The following PRKN variants were observed in gnomAD, a reference collection of about 807,000 sequenced individuals.
The protein encoded by PRKN is E3 ubiquitin-protein ligase parkin.
Under a neutral mutation model 59.5 loss-of-function variants are expected in PRKN, and 56 were observed. That is an observed-to-expected ratio of 0.94 (90% CI 0.76 to 1.18). The LOEUF (loss-of-function observed/expected upper bound fraction) is 1.18. Among genes scored for constraint, PRKN ranks in the 50% most tolerant of loss-of-function variants. PRKN has a pLI of 0.00. For synonymous variants in PRKN, 250 were observed against 222.1 expected (o/e 1.13, Z -1.12); for missense variants, 657 against 596.4 (o/e 1.10, Z -1.06).
In PRKN at chr6:162,101,116, T is replaced by C. The variant is rs966216265; in HGVS notation, c.535-46942A>G. On this transcript the variant is annotated intron_variant, in intron 4 of 11. Coordinates refer to ENST00000366898, the MANE Select transcript of PRKN (RefSeq NM_004562.3). ...TCCCACCTATTTTCCCTTTTGTTGC[T>C]TGTGCTTTTGGAGTCATATCCAAAA... Among the ~76,000 whole-genome samples the C allele has an allele frequency of 2.0e-5, 3 of 152,110 alleles. No individual in the cohort carries two copies. The East Asian group carries it at 5.8e-4, about 30-fold the overall frequency.
At chr6:162,631,414 A>C (rs1018897371) in intron 1 of PRKN, among the ~76,000 whole-genome samples, 1 of 152,120 alleles carries the variant, frequency 6.6e-6, no homozygotes, top group Non-Finnish European at 1.5e-5. Context: ...ATTCCTTATA[A>C]GAAGGGTGCT....
intron 9 of PRKN, among the ~76,000 whole-genome samples, chr6:161,464,748 T>C (rs1254433201): frequency 6.6e-6 from 1 of 152,222 alleles, no homozygotes; most frequent in Non-Finnish European, 1.5e-5. Context: ...GGCTCCAAAG[T>C]AAGTCACACC....
chr6:162,585,980 C>T (rs1781035095), intron 1 of PRKN, among the ~76,000 whole-genome samples: 1 of 152,186 alleles, frequency 6.6e-6, no homozygotes. Flanking sequence ...GATGGGATTA[C>T]AGGCATGAGC....
chr6:161,651,085 A>T (rs1169395029), intron 7 of PRKN, among the ~76,000 whole-genome samples: 1 of 152,192 alleles, frequency 6.6e-6, no homozygotes, highest in East Asian at 1.9e-4. Flanking sequence ...ATGGATTAAG[A>T]CTGCCTTATC....
intron 6 of PRKN, among the ~76,000 whole-genome samples, chr6:161,904,537 G>T (rs1228861595): frequency 6.6e-6 from 1 of 151,974 alleles, no homozygotes; most frequent in South Asian, 2.1e-4. Context: ...GGACGGTCTC[G>T]ATCTCCTGAC....
In PRKN at chr6:161,393,295, C is replaced by T. The variant is rs1786601273; in HGVS notation, c.1084-6418G>A. 6.6e-6 allele frequency among the ~76,000 whole-genome samples: 1 copy of T among 152,084 alleles called. No individual in the cohort carries two copies. Among genetic ancestry groups the T allele is most frequent in the Non-Finnish European group, 1.5e-5 (1 of 68,036 alleles). ...GTTAATTAAAGCAGTTCCCAGTATA[C>T]TGATAATAATGACTGTTATGTGAAT... is the stretch of plus-strand genomic sequence containing the variant. On this transcript the variant is annotated intron_variant, in intron 9 of 11. Coordinates refer to ENST00000366898, the MANE Select transcript of PRKN (RefSeq NM_004562.3). This position sits in a 1 kb window ranked among gnomAD's most constrained non-coding sequence, Gnocchi z 4.7.
chr6:162,694,118 G>C (rs1777880998), intron 1 of PRKN, among the ~76,000 whole-genome samples: 1 of 151,564 alleles, frequency 6.6e-6, no homozygotes, highest in Non-Finnish European at 1.5e-5. Flanking sequence ...ATGGTGGCGG[G>C]CACCTGTAGT....
At chr6:162,450,660 C>T (rs907324962) in intron 1 of PRKN, among the ~76,000 whole-genome samples, 1 of 152,068 alleles carries the variant, frequency 6.6e-6, no homozygotes, top group African/African-American at 2.4e-5. Context: ...TCGCACAAAA[C>T]GCAATTGAGG....
chr6:161,977,739 G>A (rs938567525), intron 5 of PRKN, among the ~76,000 whole-genome samples: 100 of 151,176 alleles, frequency 6.6e-4, no homozygotes, highest in African/African-American at 2.0e-3. Context: ...AGTAGAGACG[G>A]GGTTTCACCA....
intron 7 of PRKN, among the ~76,000 whole-genome samples, chr6:161,687,969 GT>G (rs1243327670): frequency 6.6e-6 from 1 of 151,894 alleles, no homozygotes; most frequent in African/African-American, 2.4e-5. Flanking sequence ...CTTTAGTTTT[GT>G]TTTTTTCTTT....
At chr6:162,391,068 C>A (rs1281523359) in intron 2 of PRKN, among the ~76,000 whole-genome samples, 1 of 152,110 alleles carries the variant, frequency 6.6e-6, no homozygotes, top group African/African-American at 2.4e-5. Flanking sequence ...TGTAAACTCA[C>A]GTGGAAACTA....
intron 4 of PRKN, among the ~76,000 whole-genome samples, chr6:162,148,122 G>A (rs1335349419): frequency 6.6e-6 from 1 of 152,152 alleles, no homozygotes; most frequent in Non-Finnish European, 1.5e-5. Flanking sequence ...TAGCCTTGTA[G>A]ATTCTGTGCC....
At chr6:162,489,755 T>C (rs1428175981) in intron 1 of PRKN, among the ~76,000 whole-genome samples, 1 of 152,168 alleles carries the variant, frequency 6.6e-6, no homozygotes, top group Non-Finnish European at 1.5e-5. Context: ...GTCTCAGATT[T>C]CACAGTCCCT....
chr6:161,723,095 C>G (rs757399316), intron 7 of PRKN, among the ~76,000 whole-genome samples: 1 of 152,006 alleles, frequency 6.6e-6, no homozygotes, highest in African/African-American at 2.4e-5. Flanking sequence ...ATAGTGAAAC[C>G]CCATCTCTAC....
chr6:161,455,634 C>T (rs372884424), intron 9 of PRKN, among the ~76,000 whole-genome samples: 27 of 152,020 alleles, frequency 1.8e-4, no homozygotes, highest in African/African-American at 5.5e-4. Flanking sequence ...GGGAGGCTGA[C>T]GCGGGCAGAT....
At chr6:162,657,190 T>C (rs1395124614) in intron 1 of PRKN, among the ~76,000 whole-genome samples, 1 of 152,232 alleles carries the variant, frequency 6.6e-6, no homozygotes, top group East Asian at 1.9e-4. Context: ...ATTGATGCAA[T>C]TATCCATAGT....
chr6:162,418,508 A>G (rs573678032), intron 2 of PRKN, among the ~76,000 whole-genome samples: 50 of 152,266 alleles, frequency 3.3e-4, no homozygotes, highest in African/African-American at 1.2e-3. Flanking sequence ...GCATATCAAC[A>G]AAGTTGAGGC....
At chr6:161,843,607 G>A (rs9355936) in intron 6 of PRKN, among the ~76,000 whole-genome samples, 13,140 of 152,198 alleles carry the variant, frequency 0.086, 806 homozygotes, top group East Asian at 0.28. Context: ...CCAACATGGT[G>A]AAACCCCATC....
intron 7 of PRKN, among the ~76,000 whole-genome samples, chr6:161,615,665 C>T (rs1782666163): frequency 6.6e-6 from 1 of 152,234 alleles, no homozygotes; most frequent in Non-Finnish European, 1.5e-5. Context: ...TGCTCTCTTT[C>T]CATAAAGGGG....
Sources: gnomAD v4.1 joint callset for allele counts (sites outside exome capture counted in the v4.1 genomes callset) on GRCh38, gnomAD v4.1.1 for gene constraint, Gnocchi (gnomAD v3.1) non-coding constraint, MANE v1.5 for transcripts, NCBI Gene and HGNC (gene_info 2026-07-23, HGNC 2026-07-21) for gene names.